AMZ1: variants seen among roughly 807,000 people sequenced by gnomAD.
AMZ1 encodes the protein archaelysin family metallopeptidase 1, also known as archaemetzincin-1.
A neutral mutation model predicts 29.9 loss-of-function variants in AMZ1; 39 were observed. The observed-to-expected ratio is 1.30, with a 90% CI of 1.01 to 1.70. AMZ1 has a LOEUF of 1.70. AMZ1 is among the 40% of genes most tolerant of loss of function. The pLI is 0.00. For synonymous variants in AMZ1, 458 were observed against 304.0 expected (o/e 1.51, Z -5.27); for missense variants, 1,041 against 680.6 (o/e 1.53, Z -5.89).
intron 5 of AMZ1, 64 bp downstream of exon 5, chr7:2,709,308 T>C: frequency 7.0e-7 from 1 of 1,425,702 alleles, no homozygotes; most frequent in Non-Finnish European, 9.2e-7. Context: ...CCTTGGTGCC[T>C]CGGTCTGTTA....
At chr7:2,763,191 AACAC>A (rs56384682), upstream of AMZ1, 352 of 222,678 alleles carry the variant, frequency 1.6e-3, no homozygotes, top group African/African-American at 2.5e-3. Flanking sequence ...AAGACACCCC[AACAC>A]ACACACACAC....
chr7:2,726,168 G>A (rs1468253478), intron 4 of AMZ1, among the ~76,000 whole-genome samples: 1 of 152,224 alleles, frequency 6.6e-6, no homozygotes, highest in Non-Finnish European at 1.5e-5. Context: ...ATTTGGAAAG[G>A]CTGCATGTGC....
At chr7:2,720,324 C>T (rs1262043972), downstream of AMZ1, among the ~76,000 whole-genome samples, 3 of 152,220 alleles carry the variant, frequency 2.0e-5, no homozygotes, top group Admixed American at 6.5e-5. Context: ...TGTCTCCCCA[C>T]GTCAGGGTGA....
intron 1 of AMZ1, among the ~76,000 whole-genome samples, chr7:2,689,040 C>T (rs767753060): frequency 3.9e-5 from 6 of 152,222 alleles, no homozygotes; most frequent in Non-Finnish European, 8.8e-5. Context: ...GAGGCCACTA[C>T]CCCTGCGGTC....
At chr7:2,698,421 C>A (rs1347643180) in intron 1 of AMZ1, among the ~76,000 whole-genome samples, 1 of 151,818 alleles carries the variant, frequency 6.6e-6, no homozygotes, top group Non-Finnish European at 1.5e-5. Flanking sequence ...ACCTGTAATC[C>A]CAGCCACTTG....
upstream of AMZ1, among the ~76,000 whole-genome samples, chr7:2,764,403 C>G (rs1791715741): frequency 6.6e-6 from 1 of 152,126 alleles, no homozygotes; most frequent in South Asian, 2.1e-4. Context: ...ATTATTCACA[C>G]AGAAGTACAT....
At chr7:2,752,164 A>C (rs1791072425) in intron 4 of AMZ1, among the ~76,000 whole-genome samples, 1 of 152,228 alleles carries the variant, frequency 6.6e-6, no homozygotes, top group South Asian at 2.1e-4. Flanking sequence ...TATTTTAGCA[A>C]AATAAGGAAG....
At chr7:2,726,458 C>T (rs1789620340) in intron 4 of AMZ1, among the ~76,000 whole-genome samples, 1 of 152,188 alleles carries the variant, frequency 6.6e-6, no homozygotes, top group Non-Finnish European at 1.5e-5. Context: ...CCTGGCGGCT[C>T]AGCACACTGC....
rs1183655660 is a variant in AMZ1, at chr7:2,715,884, G to C, written c.*3006G>C. ...TTGAACTGAGATTAAATTTAGAGAT[G>C]ATGGTTTCCAAGACACACAGGGCCA... On this transcript the variant is annotated 3_prime_UTR_variant, in exon 7 of 7. Coordinates refer to ENST00000683327, the MANE Select transcript of AMZ1 (RefSeq NM_001384743.1). 6.6e-6 allele frequency: 1 copy of C among 151,024 alleles called. No individual in the cohort carries two copies. The highest frequency in any genetic ancestry group is 2.5e-5 in the African/African-American group (1 of 40,698). 9.4% of individuals were successfully genotyped at this position (151,024 alleles called of 1,614,324 possible).
At position 2,717,873 on chromosome 7, in the gene AMZ1, C is replaced by G. The variant is rs948010604; in HGVS notation, c.*4995C>G. Among the ~76,000 whole-genome samples, 1 of 152,178 alleles carries G rather than the reference C, an allele frequency of 6.6e-6. No homozygotes were observed. Among genetic ancestry groups the G allele is most frequent in the African/African-American group, 2.4e-5 (1 of 41,446 alleles). On this transcript the variant is annotated 3_prime_UTR_variant, in exon 7 of 7. Coordinates refer to ENST00000683327, the MANE Select transcript of AMZ1 (RefSeq NM_001384743.1). ...AGGGGTTTATTTTAAAAAGCAATTT[C>G]CAAGAAGCGTCCTGGGGTCACCACG...
At chr7:2,730,858 C>G (rs1285065939) in intron 4 of AMZ1, 2 of 311,860 alleles carry the variant, frequency 6.4e-6, no homozygotes, top group Non-Finnish European at 1.2e-5. Flanking sequence ...ACACGGTCCT[C>G]AATTAAACTG....
upstream of AMZ1, chr7:2,760,562 C>T (rs796746061): frequency 2.6e-5 from 4 of 152,356 alleles, no homozygotes; most frequent in Non-Finnish European, 4.4e-5. Context: ...TATGGCACCA[C>T]GTCACATCAG....
At chr7:2,750,838 G>C (rs528256832) in intron 4 of AMZ1, among the ~76,000 whole-genome samples, 1 of 152,194 alleles carries the variant, frequency 6.6e-6, no homozygotes, top group African/African-American at 2.4e-5. Flanking sequence ...CGGATATGGC[G>C]AAAGTTTTAG....
At chr7:2,760,052 G>T (rs208346), upstream of AMZ1, among the ~76,000 whole-genome samples, 73,095 of 152,122 alleles carry the variant, frequency 0.48, 18,514 homozygotes, top group East Asian at 0.63. Context: ...AAAACACTAG[G>T]ATGTCAAGGT....
upstream of AMZ1, chr7:2,763,155 C>T (rs1290005321): frequency 3.8e-5 from 45 of 1,184,868 alleles, no homozygotes; most frequent in Non-Finnish European, 4.7e-5. Context: ...GAATATTCTG[C>T]TGACAAGAGG....
In AMZ1 at chr7:2,741,818, T is replaced by G. The variant is rs548393164; in HGVS notation, n.551-22894T>G. On this transcript the variant is annotated intron_variant and non_coding_transcript_variant, in intron 4 of 4. Transcript: ENST00000489665. The stretch of plus-strand genomic sequence containing the variant: ...AACCACGGCAACTTCAGGTGCTGCT[T>G]CAGGAGAACGCCGCAAGGATAAGAG... 1.3e-3 allele frequency among the ~76,000 whole-genome samples: 203 copies of G among 151,018 alleles called. 1 individual carries two copies. Among genetic ancestry groups the G allele is most frequent in the African/African-American group, 4.7e-3 (192 of 41,072 alleles).
At position 2,717,330 on chromosome 7, in the gene AMZ1, G is replaced by A. The variant is rs924215118; in HGVS notation, c.*4452G>A. Among the ~76,000 whole-genome samples, 1 of 152,256 alleles carries A rather than the reference G, an allele frequency of 6.6e-6. No individual in the cohort carries two copies. Among genetic ancestry groups the A allele is most frequent in the Non-Finnish European group, 1.5e-5 (1 of 68,046 alleles). ...GGGCTCATAGACCTGAACTGGGTCT[G>A]CCTGCCTGTGTGCTGGAAGCAAACG... On this transcript the variant is annotated 3_prime_UTR_variant, in exon 7 of 7. Transcript: ENST00000683327.
In AMZ1 at chr7:2,717,078, A is replaced by T. The variant is rs1374556830; in HGVS notation, c.*4200A>T. On this transcript the variant is annotated 3_prime_UTR_variant, in exon 7 of 7. Transcript: ENST00000683327. ...GAGCAGCCCCCACACACCGGCACCC[A>T]CGCCCCTCGGTTCTGATAACCAGGA... Among the ~76,000 whole-genome samples, 1 of 152,082 alleles carries T rather than the reference A, an allele frequency of 6.6e-6. No homozygotes were observed. Among genetic ancestry groups the T allele is most frequent in the African/African-American group, 2.4e-5 (1 of 41,404 alleles).
chr7:2,720,930 C>T (rs933196126), downstream of AMZ1, among the ~76,000 whole-genome samples: 5 of 152,176 alleles, frequency 3.3e-5, no homozygotes, highest in African/African-American at 9.7e-5. Context: ...CCTACTGCCT[C>T]GGGCTCACGA....
Sources: gnomAD v4.1 joint callset for allele counts (sites outside exome capture counted in the v4.1 genomes callset) on GRCh38, gnomAD v4.1.1 for gene constraint, MANE v1.5 for transcripts, NCBI Gene and HGNC (gene_info 2026-07-23, HGNC 2026-07-21) for gene names.